Variants in MEGF10 observed in about 807,000 individuals in gnomAD.
MEGF10 encodes the protein multiple EGF like domains 10, also known as multiple epidermal growth factor-like domains protein 10.
MEGF10 carries 86 observed loss-of-function variants against 147.5 expected under a neutral mutation model. That is an observed-to-expected ratio of 0.58 (90% CI 0.49 to 0.70). MEGF10 has a LOEUF of 0.70. MEGF10 is among the 30% of genes least tolerant of loss of function. The pLI is 0.00. For missense variants in MEGF10, 1,329 were observed against 1,487.3 expected, an observed-to-expected ratio of 0.89 and a Z score of 1.75; for synonymous variants, 478 against 525.5, an observed-to-expected ratio of 0.91 and a Z score of 1.24.
chr5:127,379,058 A>G (rs1422440425), intron 5 of MEGF10, among the ~76,000 whole-genome samples: 1 of 112,606 alleles, frequency 8.9e-6, no homozygotes, highest in African/African-American at 3.5e-5. Flanking sequence ...TCATTCATTG[A>G]TTTTTCTTTT....
At chr5:127,361,134 T>C (rs796633714) in intron 4 of MEGF10, among the ~76,000 whole-genome samples, 1 of 152,128 alleles carries the variant, frequency 6.6e-6, no homozygotes, top group African/African-American at 2.4e-5. Flanking sequence ...ATTTCCTCTT[T>C]TAATTCTTGG....
chr5:127,306,761 G>A (rs559140696), intron 1 of MEGF10, among the ~76,000 whole-genome samples: 9 of 152,294 alleles, frequency 5.9e-5, no homozygotes, highest in South Asian at 4.1e-4. Context: ...CAGGCGAAGC[G>A]GAGCTACCTA....
At chr5:127,379,195 C>T (rs940049264) in intron 5 of MEGF10, among the ~76,000 whole-genome samples, 29 of 152,076 alleles carry the variant, frequency 1.9e-4, no homozygotes, top group East Asian at 1.7e-3. Flanking sequence ...GTCCATGCCA[C>T]GTTCTCTCTA....
chr5:127,298,771 C>A (rs896855492), intron 1 of MEGF10, among the ~76,000 whole-genome samples: 1 of 152,166 alleles, frequency 6.6e-6, no homozygotes, highest in African/African-American at 2.4e-5. Flanking sequence ...GGGACAATGG[C>A]TGTAACACAA....
At chr5:127,343,081 G>A (rs1761745586) in intron 4 of MEGF10, among the ~76,000 whole-genome samples, 1 of 152,060 alleles carries the variant, frequency 6.6e-6, no homozygotes, top group Non-Finnish European at 1.5e-5. Context: ...CTTGTAGATA[G>A]AGAAGGAACA....
chr5:127,381,569 A>G (rs1763266582), intron 5 of MEGF10, among the ~76,000 whole-genome samples: 1 of 152,200 alleles, frequency 6.6e-6, no homozygotes, highest in Admixed American at 6.5e-5. Context: ...TAATAGAGCC[A>G]TGTGTGTCTT....
the MEGF10 span, among the ~76,000 whole-genome samples, chr5:127,247,431 GA>G: frequency 1.0e-5 from 1 of 100,468 alleles, no homozygotes; most frequent in Admixed American, 1.0e-4. Context: ...AGAAGAAGAA[GA>G]AGAAGAAGAA....
rs558584264 is a variant in MEGF10, at chr5:127,346,994, G to T, written c.319+6364G>T. 2.6e-5 allele frequency among the ~76,000 whole-genome samples: 4 copies of T among 151,996 alleles called. No homozygotes were observed. In the East Asian group the frequency reaches 7.7e-4, roughly 29 times the overall value. On this transcript the variant is annotated intron_variant, in intron 4 of 24. Transcript: ENST00000503335. ...TTTATACAACATTTTAAATAATTTT[G>T]TGTATGGAACAAGATTTTGACTGTT...
At chr5:127,271,399 G>T in the MEGF10 span, among the ~76,000 whole-genome samples, 1 of 151,594 alleles carries the variant, frequency 6.6e-6, no homozygotes, top group African/African-American at 2.4e-5. Context: ...CTACTTTTTA[G>T]TGGGGTTTTT....
chr5:127,422,626 T>A (rs1765056659), intron 12 of MEGF10, 44 bp from the exon 13 acceptor site: 1 of 1,505,750 alleles, frequency 6.6e-7, no homozygotes, highest in Non-Finnish European at 9.2e-7. Context: ...GTTGTGGGAT[T>A]TCCCAGGCCC....
At chr5:127,252,444 G>A in the MEGF10 span, among the ~76,000 whole-genome samples, 1 of 151,702 alleles carries the variant, frequency 6.6e-6, no homozygotes, top group South Asian at 2.1e-4. Flanking sequence ...CTATTAAAAA[G>A]GATGAAGTAC....
intron 1 of MEGF10, among the ~76,000 whole-genome samples, chr5:127,307,702 A>G (rs746682717): frequency 6.6e-6 from 1 of 152,184 alleles, no homozygotes; most frequent in African/African-American, 2.4e-5. Flanking sequence ...TTTTCTTCCA[A>G]CCCACCATGA....
rs950188360 is a variant in MEGF10 at position 127,460,387 on chromosome 5, T to C, written c.*3069T>C. 5.3e-5 allele frequency: 8 copies of C among 152,228 alleles called. No individual in the cohort carries two copies. The highest frequency in any genetic ancestry group is 1.9e-4 in the African/African-American group (8 of 41,460). 9.4% of individuals were successfully genotyped at this position (152,228 alleles called of 1,614,324 possible). A position where few individuals can be genotyped will look rare whatever the true frequency, so the allele number is the denominator to read the frequency against. On this transcript the variant is annotated 3_prime_UTR_variant, in exon 25 of 25. Coordinates refer to ENST00000503335, the MANE Select transcript of MEGF10 (RefSeq NM_001256545.2). ...CAGTGTTTGACATTAATTGCTGTCC[T>C]ATGATACAGTAGTAATGTTAACAGA...
intron 4 of MEGF10, among the ~76,000 whole-genome samples, chr5:127,363,799 T>A (rs1762561437): frequency 6.6e-6 from 1 of 152,188 alleles, no homozygotes; most frequent in African/African-American, 2.4e-5. Context: ...ATTTACTAAG[T>A]GCAAACATCT....
At chr5:127,407,408 A>G (rs989630640) in intron 8 of MEGF10, among the ~76,000 whole-genome samples, 2 of 152,160 alleles carry the variant, frequency 1.3e-5, no homozygotes, top group Admixed American at 6.5e-5. Flanking sequence ...GTTCACAATG[A>G]CATACAACAT....
intron 1 of MEGF10, chr5:127,299,985 C>T (rs1254209431): frequency 6.6e-6 from 1 of 152,086 alleles, no homozygotes; most frequent in Non-Finnish European, 1.5e-5. Flanking sequence ...GTCATTGTAC[C>T]TTGATTATAG....
At chr5:127,371,191 CTGTGTG>C (rs10591122) in intron 5 of MEGF10, among the ~76,000 whole-genome samples, 10,303 of 126,066 alleles carry the variant, frequency 0.082, 393 homozygotes, top group African/African-American at 0.12. Flanking sequence ...GGGACTGGGA[CTGTGTG>C]TGTGTGTGTG....
chr5:127,307,750 A>C (rs1760078297), intron 1 of MEGF10, among the ~76,000 whole-genome samples: 1 of 152,216 alleles, frequency 6.6e-6, no homozygotes, highest in Admixed American at 6.5e-5. Flanking sequence ...TAATGTTGCT[A>C]TCTTCTTTTA....
chr5:127,328,971 C>A (rs1761147630), intron 1 of MEGF10, among the ~76,000 whole-genome samples: 1 of 152,110 alleles, frequency 6.6e-6, no homozygotes, highest in Admixed American at 6.5e-5. Context: ...AAAACAGGGA[C>A]AATAAAAACT....
Sources: allele counts gnomAD v4.1 joint callset (sites outside exome capture counted in the v4.1 genomes callset), GRCh38; gene constraint gnomAD v4.1.1; transcripts MANE v1.5; gene names NCBI Gene and HGNC (gene_info 2026-07-23, HGNC 2026-07-21).